The following NXPE1 variants were observed in gnomAD, a reference collection of about 807,000 sequenced individuals.
The protein encoded by NXPE1 is NXPE family member 1.
A neutral mutation model predicts 33.3 loss-of-function variants in NXPE1; 31 were observed. The ratio of observed to expected loss-of-function variants is 0.93; its 90% CI spans 0.70 to 1.26. The LOEUF (loss-of-function observed/expected upper bound fraction) is 1.26, where lower values mean the gene tolerates loss of function less well. NXPE1 is among the 50% of genes most tolerant of loss of function. NXPE1 has a pLI of 0.00. For missense variants in NXPE1, 661 were observed against 655.6 expected, an observed-to-expected ratio of 1.01 and a Z score of -0.09; for synonymous variants, 229 against 231.4, an observed-to-expected ratio of 0.99 and a Z score of 0.09.
At chr11:114,534,266 A>G (rs1947706162) in intron 5 of NXPE1, among the ~76,000 whole-genome samples, 1 of 152,222 alleles carries the variant, frequency 6.6e-6, no homozygotes, top group Non-Finnish European at 1.5e-5. Flanking sequence ...AAGGACATCC[A>G]CACCCAAAAC....
intron 5 of NXPE1, among the ~76,000 whole-genome samples, chr11:114,532,933 A>T (rs1405543865): frequency 1.3e-5 from 2 of 152,220 alleles, no homozygotes; most frequent in South Asian, 2.1e-4. Context: ...ATTGGATTGC[A>T]GCTGCAATAA....
chr11:114,536,357 A>C (rs1233982305), intron 5 of NXPE1, among the ~76,000 whole-genome samples: 1 of 152,240 alleles, frequency 6.6e-6, no homozygotes, highest in Non-Finnish European at 1.5e-5. Flanking sequence ...ACACCCTAAC[A>C]TCACAATTAA....
At chr11:114,521,824 T>C in exon 9 of NXPE1, 2 of 630,358 alleles carry the variant, frequency 3.2e-6, no homozygotes, top group East Asian at 5.5e-5. Context: ...TCAGTTGTCA[T>C]TGTCCTTACA....
At position 114,521,768 on chromosome 11, in the gene NXPE1, G is replaced by T. The variant is rs969890475; in HGVS notation, c.*200C>A. 6 of 526,656 alleles carry T rather than the reference G, an allele frequency of 1.1e-5. No homozygotes were observed. The South Asian group carries it at 2.0e-4, about 18-fold the overall frequency. 32.6% of individuals were successfully genotyped at this position (526,656 alleles called of 1,614,324 possible). A position where few individuals can be genotyped will look rare whatever the true frequency, so the allele number is the denominator to read the frequency against. On this transcript the variant is annotated 3_prime_UTR_variant, in exon 9 of 9. Coordinates refer to ENST00000534921, the Ensembl canonical transcript of NXPE1. ...TAAACGAGCATCAGAACCAGGCATG[G>T]TATAGTCATTCTTCATGAATGATTC... is the stretch of plus-strand genomic sequence containing the variant.
chr11:114,552,873 A>T, exon 2 of NXPE1: 1 of 978,370 alleles, frequency 1.0e-6, no homozygotes, highest in Non-Finnish European at 1.2e-6. Context: ...CAGGTAGCAC[A>T]GAATGCACTG....
exon 9 of NXPE1, chr11:114,522,193 C>G (rs775327737): frequency 6.2e-7 from 1 of 1,614,104 alleles, no homozygotes; most frequent in South Asian, 1.1e-5. Flanking sequence ...TCTTAATAAT[C>G]ACTTTAGTGG....
At position 114,537,648 on chromosome 11, in the gene NXPE1, G is replaced by A. The variant is rs1947886870; in HGVS notation, c.100-6740C>T. Among the ~76,000 whole-genome samples, 3 of 152,106 alleles carry A rather than the reference G, an allele frequency of 2.0e-5. No homozygotes were observed. In the South Asian group the frequency reaches 6.2e-4, roughly 32 times the overall value. On this transcript the variant is annotated intron_variant, in intron 5 of 8. Transcript: ENST00000534921. The stretch of plus-strand genomic sequence containing the variant: ...CTTATACACCAGTAACAGACAAACA[G>A]AGAGCCAAATCATGAGTGAACTCCC...
exon 4 of NXPE1, chr11:114,551,398 T>C (rs1159480759): frequency 1.3e-5 from 18 of 1,347,046 alleles, no homozygotes; most frequent in Non-Finnish European, 1.7e-5. Flanking sequence ...GGATACTTCT[T>C]GTCGAGGTTT....
At chr11:114,526,033 G>A (rs1403479844) in intron 7 of NXPE1, among the ~76,000 whole-genome samples, 1 of 152,214 alleles carries the variant, frequency 6.6e-6, no homozygotes, top group Non-Finnish European at 1.5e-5. Flanking sequence ...TAATGTCATT[G>A]GTCCTCAAAA....
intron 2 of NXPE1, among the ~76,000 whole-genome samples, chr11:114,552,349 A>G (rs1461702091): frequency 6.6e-6 from 1 of 152,132 alleles, no homozygotes; most frequent in Non-Finnish European, 1.5e-5. Flanking sequence ...CACACACTAT[A>G]TTGCAATAGA....
At chr11:114,558,046 C>T (rs1012588479) in intron 1 of NXPE1, among the ~76,000 whole-genome samples, 1 of 152,048 alleles carries the variant, frequency 6.6e-6, no homozygotes, top group African/African-American at 2.4e-5. Context: ...CTCACTGCCC[C>T]AGTTGCTCTC....
chr11:114,552,404 T>C (rs985184894), intron 2 of NXPE1, among the ~76,000 whole-genome samples: 3 of 152,180 alleles, frequency 2.0e-5, no homozygotes, highest in African/African-American at 7.2e-5. Context: ...TTCTGAAGAA[T>C]TGGAATAATG....
At chr11:114,555,138 GTA>G (rs1948618376) in intron 1 of NXPE1, among the ~76,000 whole-genome samples, 1 of 151,628 alleles carries the variant, frequency 6.6e-6, no homozygotes, top group South Asian at 2.1e-4. Context: ...TTGCTGTCTG[GTA>G]TAGATATTTC....
At chr11:114,533,916 C>G (rs1446777599) in intron 5 of NXPE1, among the ~76,000 whole-genome samples, 2 of 152,262 alleles carry the variant, frequency 1.3e-5, no homozygotes, top group African/African-American at 4.8e-5. Context: ...ATGTCCCTGT[C>G]TGACAGCTTT....
intron 5 of NXPE1, among the ~76,000 whole-genome samples, chr11:114,537,786 A>G (rs1482517186): frequency 6.6e-6 from 1 of 152,006 alleles, no homozygotes; most frequent in Non-Finnish European, 1.5e-5. Context: ...AAAAGAGGAT[A>G]CAAACAAATG....
intron 1 of NXPE1, chr11:114,554,268 G>A (rs1948598468): frequency 2.1e-6 from 2 of 975,278 alleles, no homozygotes; most frequent in Non-Finnish European, 2.4e-6. Flanking sequence ...CTGTGGCCAG[G>A]ACACTGAGTT....
At chr11:114,539,654 A>T (rs1333062522) in intron 5 of NXPE1, among the ~76,000 whole-genome samples, 1 of 152,190 alleles carries the variant, frequency 6.6e-6, no homozygotes, top group Non-Finnish European at 1.5e-5. Flanking sequence ...GAATCTGATT[A>T]ACTAATTCCA....
At chr11:114,558,745 CATG>C (rs1051291770) in intron 1 of NXPE1, among the ~76,000 whole-genome samples, 20 of 152,136 alleles carry the variant, frequency 1.3e-4, no homozygotes, top group African/African-American at 4.3e-4. Flanking sequence ...TACAAATTAA[CATG>C]ATCGTTTTGA....
intron 7 of NXPE1, 65 bp from the exon 8 acceptor site, chr11:114,523,156 G>T: frequency 8.4e-7 from 1 of 1,187,284 alleles, no homozygotes; most frequent in Non-Finnish European, 1.2e-6. Flanking sequence ...CTTCTTTCCT[G>T]GTCTTTCATT....
Sources: gnomAD v4.1 joint callset for allele counts (sites outside exome capture counted in the v4.1 genomes callset) on GRCh38, gnomAD v4.1.1 for gene constraint, MANE v1.5 for transcripts, NCBI Gene and HGNC (gene_info 2026-07-23, HGNC 2026-07-21) for gene names.